Variants in TOP1 observed in about 807,000 individuals in gnomAD.
TOP1 encodes DNA topoisomerase I, also known as DNA topoisomerase 1.
A neutral mutation model predicts 111.1 loss-of-function variants in TOP1; 10 were observed. The ratio of observed to expected loss-of-function variants is 0.09; its 90% CI spans 0.06 to 0.15. The LOEUF is 0.15. TOP1 is among the 10% of genes least tolerant of loss of function. TOP1 has a pLI of 1.00. For synonymous variants in TOP1, 271 were observed against 302.9 expected (o/e 0.89, Z 1.10); for missense variants, 474 against 926.7 (o/e 0.51, Z 6.34).
chr20:41,048,911 A>C (rs900471317), intron 2 of TOP1, among the ~76,000 whole-genome samples: 2 of 152,252 alleles, frequency 1.3e-5, no homozygotes, highest in African/African-American at 4.8e-5. Flanking sequence ...AGGCTGTAAA[A>C]TAAGACAGTG....
intron 8 of TOP1, among the ~76,000 whole-genome samples, chr20:41,091,821 C>T (rs2145945588): frequency 6.6e-6 from 1 of 152,200 alleles, no homozygotes; most frequent in East Asian, 1.9e-4. Flanking sequence ...GCCTCGGCCT[C>T]CCAAAGTGCT....
At chr20:41,107,269 C>T (rs996431685) in intron 13 of TOP1, among the ~76,000 whole-genome samples, 5 of 152,168 alleles carry the variant, frequency 3.3e-5, no homozygotes, top group African/African-American at 1.2e-4. Context: ...TACAGTATTA[C>T]CAATCATTAT....
rs59200685 is a variant in TOP1, at chr20:41,089,020, C to CTTTTTTTTTTTTTTTT, written c.615-3445_615-3430dup. 8.1e-3 allele frequency among the ~76,000 whole-genome samples: 630 copies of CTTTTTTTTTTTTTTTT among 77,890 alleles called. 121 individuals carry two copies. The highest frequency in any genetic ancestry group is 0.057 in the East Asian group (92 of 1,606). 51.1% of individuals were successfully genotyped at this position (77,890 alleles called of 152,430 possible). A position where few individuals can be genotyped will look rare whatever the true frequency, so the allele number is the denominator to read the frequency against. On this transcript the variant is annotated intron_variant, in intron 8 of 20. Coordinates refer to ENST00000361337, the MANE Select transcript of TOP1 (RefSeq NM_003286.4). ...TCCCCACTTCTCTGTTGCCCCAGTT[C>CTTTTTTTTTTTTTTTT]TTTTTTTTTTTTTTTTTTTTTTGAG...
rs1199624938 is a variant in TOP1, at chr20:41,083,154, T to G, written c.508-1308T>G. Among the ~76,000 whole-genome samples, 1 of 152,196 alleles carries G rather than the reference T, an allele frequency of 6.6e-6. No individual in the cohort carries two copies. The highest frequency in any genetic ancestry group is 1.5e-5 in the Non-Finnish European group (1 of 68,024). On this transcript the variant is annotated intron_variant, in intron 7 of 20. Transcript: ENST00000361337. This position sits in a 1 kb window ranked among gnomAD's most constrained non-coding sequence, Gnocchi z 7.2. ...CAATTTGAGGCTTGAAAACATACAA[T>G]GTAGCCAGTAGTTTCCTGATGGGAC...
In TOP1 at chr20:41,098,950, C is replaced by G. The variant is rs2034021143; in HGVS notation, c.975+613C>G. On this transcript the variant is annotated intron_variant, in intron 11 of 20. Transcript: ENST00000361337. This position sits in a 1 kb window ranked among gnomAD's most constrained non-coding sequence, Gnocchi z 5.7. ...GAGTAGTTGCAAAAGAGAGTAGTTG[C>G]AAAAGAGACTGTGTGGCACTCAAGC... 1 of 151,960 alleles carries G rather than the reference C, an allele frequency of 6.6e-6. No homozygotes were observed. Among genetic ancestry groups the G allele is most frequent in the African/African-American group, 2.4e-5 (1 of 41,334 alleles). 9.4% of individuals were successfully genotyped at this position (151,960 alleles called of 1,614,324 possible). A position where few individuals can be genotyped will look rare whatever the true frequency, so the allele number is the denominator to read the frequency against.
At chr20:41,090,557 C>T (rs1337042313) in intron 8 of TOP1, among the ~76,000 whole-genome samples, 1 of 152,142 alleles carries the variant, frequency 6.6e-6, no homozygotes, top group African/African-American at 2.4e-5. Flanking sequence ...GGCTGGAGTG[C>T]AGTCACGTGA....
intron 2 of TOP1, among the ~76,000 whole-genome samples, chr20:41,038,159 C>T (rs147059689): frequency 6.6e-6 from 1 of 152,232 alleles, no homozygotes; most frequent in Non-Finnish European, 1.5e-5. Flanking sequence ...AATAGTCTCC[C>T]GGCCTCCAAC....
At chr20:41,104,584 A>G (rs909095403) in intron 13 of TOP1, among the ~76,000 whole-genome samples, 3 of 152,242 alleles carry the variant, frequency 2.0e-5, no homozygotes, top group Non-Finnish European at 2.9e-5. Flanking sequence ...GCTAACTGCT[A>G]TACACAATAG....
At chr20:41,066,646 C>T (rs2033611795) in intron 3 of TOP1, among the ~76,000 whole-genome samples, 1 of 151,324 alleles carries the variant, frequency 6.6e-6, no homozygotes. Context: ...CCTCCGCCTC[C>T]CGGGTTCATG....
chr20:41,115,232 T>C lies in TOP1; in HGVS notation c.1639-139T>C, dbSNP rs1380915444. 4 of 604,352 alleles carry C rather than the reference T, an allele frequency of 6.6e-6. No individual in the cohort carries two copies. The highest frequency in any genetic ancestry group is 1.9e-5 in the South Asian group (1 of 51,692). 37.4% of individuals were successfully genotyped at this position (604,352 alleles called of 1,614,324 possible). The stretch of plus-strand genomic sequence containing the variant: ...TGTGCAAATGATGAATGGGGTAAAA[T>C]GTTAACAGTGAATCTCGGTGACGGA... On this transcript the variant is annotated intron_variant, in intron 15 of 20. Coordinates refer to ENST00000361337, the MANE Select transcript of TOP1 (RefSeq NM_003286.4). This position sits in a 1 kb window ranked among gnomAD's most constrained non-coding sequence, Gnocchi z 6.3.
chr20:41,097,473 C>G lies in TOP1; in HGVS notation c.852+132C>G. 1 of 946,206 alleles carries G rather than the reference C, an allele frequency of 1.1e-6. No homozygotes were observed. Among genetic ancestry groups the G allele is most frequent in the South Asian group, 1.8e-5 (1 of 55,934 alleles). The allele number at this position is 946,206 out of a possible 1,614,324, so 58.6% of individuals were successfully genotyped here. A position where few individuals can be genotyped will look rare whatever the true frequency, so the allele number is the denominator to read the frequency against. Reference sequence around the variant, plus strand: ...ATGGATTTTGTTGTATTTAAACTTGCGTATTTTTTGTCTTCATTTACTATA... The same window carrying G: ...ATGGATTTTGTTGTATTTAAACTTGGGTATTTTTTGTCTTCATTTACTATA... On this transcript the variant is annotated intron_variant, in intron 10 of 20. Transcript: ENST00000361337. This position sits in a 1 kb window ranked among gnomAD's most constrained non-coding sequence, Gnocchi z 4.2.
rs1343893600 is a variant in TOP1 at position 41,080,735 on chromosome 20, C to T, written c.432-430C>T. The stretch of plus-strand genomic sequence containing the variant: ...AGGGAGAAGGGAAATACTTAGTGAA[C>T]TCATTTGTATTCATTCAATATAGAA... On this transcript the variant is annotated intron_variant, in intron 6 of 20. Coordinates refer to ENST00000361337, the MANE Select transcript of TOP1 (RefSeq NM_003286.4). This position sits in a 1 kb window ranked among gnomAD's most constrained non-coding sequence, Gnocchi z 5.0. 6.6e-6 allele frequency among the ~76,000 whole-genome samples: 1 copy of T among 152,152 alleles called. No individual in the cohort carries two copies. The highest frequency in any genetic ancestry group is 2.4e-5 in the African/African-American group (1 of 41,440).
At chr20:41,119,961 TGAG>T (rs1186912408) in intron 18 of TOP1, among the ~76,000 whole-genome samples, 1 of 152,234 alleles carries the variant, frequency 6.6e-6, no homozygotes, top group African/African-American at 2.4e-5. Flanking sequence ...CCCAGGAGCA[TGAG>T]GAGGTCTTTT....
rs1210207951 is a variant in TOP1, at chr20:41,082,278, A to G, written c.507+1038A>G. 6.6e-6 allele frequency among the ~76,000 whole-genome samples: 1 copy of G among 152,242 alleles called. No individual in the cohort carries two copies. Among genetic ancestry groups the G allele is most frequent in the Non-Finnish European group, 1.5e-5 (1 of 68,034 alleles). On this transcript the variant is annotated intron_variant, in intron 7 of 20. Coordinates refer to ENST00000361337, the MANE Select transcript of TOP1 (RefSeq NM_003286.4). The surrounding 1 kb of genome is among the most constrained non-coding windows in gnomAD (Gnocchi z 4.1). ...TCATAATAGAATGATGTTAATAATC[A>G]CAATTAAATGTAATAGGTGCTTACC...
rs1804784067 is a variant in TOP1, at chr20:41,078,507, A to G, written c.335+870A>G. Reference sequence around the variant, plus strand: ...TGCCTGGTACTCTGGGGTCCTTTAGACAAGGAGAAAAGCAGGTGCCCTCTT... The same window carrying G: ...TGCCTGGTACTCTGGGGTCCTTTAGGCAAGGAGAAAAGCAGGTGCCCTCTT... On this transcript the variant is annotated intron_variant, in intron 5 of 20. Transcript: ENST00000361337. The surrounding 1 kb of genome is among the most constrained non-coding windows in gnomAD (Gnocchi z 5.3). Among the ~76,000 whole-genome samples the G allele has an allele frequency of 6.6e-6, 1 of 152,214 alleles. No individual in the cohort carries two copies. Among genetic ancestry groups the G allele is most frequent in the Non-Finnish European group, 1.5e-5 (1 of 68,050 alleles).
intron 17 of TOP1, among the ~76,000 whole-genome samples, chr20:41,117,598 G>C (rs1403821890): frequency 6.6e-6 from 1 of 151,738 alleles, no homozygotes; most frequent in Non-Finnish European, 1.5e-5. Flanking sequence ...TGTTAGCCAG[G>C]ATGGTCTCGA....
chr20:41,113,703 C>T (rs2034279092), intron 14 of TOP1, among the ~76,000 whole-genome samples: 1 of 141,726 alleles, frequency 7.1e-6, no homozygotes, highest in African/African-American at 2.5e-5. Context: ...AACCCCATCT[C>T]TACTAAAAAT....
intron 3 of TOP1, among the ~76,000 whole-genome samples, chr20:41,074,033 G>C (rs1212257599): frequency 6.6e-6 from 1 of 152,102 alleles, no homozygotes; most frequent in Non-Finnish European, 1.5e-5. Context: ...CATTTTGCTG[G>C]TAGTATAAAA....
chr20:41,115,461 T>C lies in TOP1; in HGVS notation c.1707+22T>C. On this transcript the variant is annotated intron_variant, in intron 16 of 20. Transcript: ENST00000361337. The surrounding 1 kb of genome is among the most constrained non-coding windows in gnomAD (Gnocchi z 6.3). Reference sequence around the variant, plus strand: ...CAATGTGAGTAGATGAAGCACACAATGTTGAAGGGAGTCCCAGCCAGAGCC... The same window carrying C: ...CAATGTGAGTAGATGAAGCACACAACGTTGAAGGGAGTCCCAGCCAGAGCC... 1 of 1,591,378 alleles carries C rather than the reference T, an allele frequency of 6.3e-7. No homozygotes were observed. The highest frequency in any genetic ancestry group is 8.6e-7 in the Non-Finnish European group (1 of 1,159,562).
Sources: gnomAD v4.1 joint callset for allele counts (sites outside exome capture counted in the v4.1 genomes callset) on GRCh38, gnomAD v4.1.1 for gene constraint, Gnocchi (gnomAD v3.1) non-coding constraint, MANE v1.5 for transcripts, NCBI Gene and HGNC (gene_info 2026-07-23, HGNC 2026-07-21) for gene names.